SNTG2: variants seen among roughly 807,000 people sequenced by gnomAD.
SNTG2 encodes gamma-2-syntrophin.
SNTG2 carries 74 observed loss-of-function variants against 70.9 expected under a neutral mutation model. The observed-to-expected ratio is 1.04, with a 90% CI of 0.86 to 1.27. The LOEUF is 1.27. SNTG2 is among the 50% of genes most tolerant of loss of function. The probability of loss-of-function intolerance (pLI) is 0.00; values close to 1 mark genes in which losing one functional copy is unlikely to be tolerated. For synonymous variants in SNTG2, 278 were observed against 273.8 expected (o/e 1.02, Z -0.15); for missense variants, 717 against 690.7 (o/e 1.04, Z -0.43).
At chr2:1,138,487 C>T (rs917222201) in intron 6 of SNTG2, among the ~76,000 whole-genome samples, 5 of 151,866 alleles carry the variant, frequency 3.3e-5, no homozygotes, top group African/African-American at 9.7e-5. Flanking sequence ...GTGGTGGGGA[C>T]GCGTGGTCAG....
Position 1,070,349 on chromosome 2 carries a change from C to A in SNTG2, c.73-13169C>A, listed in dbSNP as rs190837845. On this transcript the variant is annotated intron_variant, in intron 1 of 16. Transcript: ENST00000308624. ...CCCGTTCAGATGCCATCACGTCACC[C>A]AAGCTGTGGAACTTCTCGAAGCTTT... Among the ~76,000 whole-genome samples the A allele has an allele frequency of 1.6e-3, 250 of 152,256 alleles. 2 individuals carry two copies. In the South Asian group the frequency reaches 0.022, roughly 13 times the overall value.
At chr2:1,061,567 A>G (rs1453429345) in intron 1 of SNTG2, among the ~76,000 whole-genome samples, 1 of 152,256 alleles carries the variant, frequency 6.6e-6, no homozygotes, top group African/African-American at 2.4e-5. Context: ...GCAACCCACC[A>G]GGTATACAGC....
intron 14 of SNTG2, among the ~76,000 whole-genome samples, chr2:1,301,210 T>C (rs1329838606): frequency 6.6e-6 from 1 of 151,780 alleles, no homozygotes; most frequent in Non-Finnish European, 1.5e-5. Context: ...TGGGGAAGGG[T>C]CATGGGATTG....
At chr2:1,216,701 G>T (rs1337336688) in intron 9 of SNTG2, among the ~76,000 whole-genome samples, 9 of 152,210 alleles carry the variant, frequency 5.9e-5, no homozygotes, top group Non-Finnish European at 1.3e-4. Context: ...AGACAGGAGA[G>T]TCCCTCTGGG....
intron 1 of SNTG2, among the ~76,000 whole-genome samples, chr2:987,938 G>A (rs561580628): frequency 3.1e-4 from 47 of 152,288 alleles, no homozygotes; most frequent in Non-Finnish European, 4.0e-4. Context: ...CTGCGCCCAG[G>A]ATGACACCCC....
intron 15 of SNTG2, among the ~76,000 whole-genome samples, chr2:1,313,014 A>G (rs1167748714): frequency 6.6e-6 from 1 of 152,204 alleles, no homozygotes; most frequent in Non-Finnish European, 1.5e-5. Flanking sequence ...CTTGTCATGG[A>G]GTTGCCTGGT....
intron 16 of SNTG2, among the ~76,000 whole-genome samples, chr2:1,329,577 T>A (rs1659404623): frequency 6.6e-6 from 1 of 152,150 alleles, no homozygotes; most frequent in South Asian, 2.1e-4. Flanking sequence ...ATGGCCAGGT[T>A]AAAAGGAACA....
At position 1,164,255 on chromosome 2, in the gene SNTG2, A is replaced by T. The variant is rs371554391; in HGVS notation, c.412-1293A>T. On this transcript the variant is annotated intron_variant, in intron 6 of 16. Coordinates refer to ENST00000308624, the MANE Select transcript of SNTG2 (RefSeq NM_018968.4). Reference sequence around the variant, plus strand: ...ATGCCTGGCCTAGGAGGATGAAGTGAGGTAGGAACCTGCCCAAACTGTGGG... The same window carrying T: ...ATGCCTGGCCTAGGAGGATGAAGTGTGGTAGGAACCTGCCCAAACTGTGGG... 2.0e-5 allele frequency among the ~76,000 whole-genome samples: 3 copies of T among 148,024 alleles called. No homozygotes were observed. In the East Asian group the frequency reaches 6.1e-4, roughly 30 times the overall value.
At chr2:1,346,739 A>G (rs560670880) in intron 16 of SNTG2, among the ~76,000 whole-genome samples, 75 of 152,300 alleles carry the variant, frequency 4.9e-4, no homozygotes, top group African/African-American at 1.7e-3. Flanking sequence ...TTTCAGGCTG[A>G]CAGAATCTCA....
At chr2:1,158,969 T>C (rs1558470214) in intron 6 of SNTG2, among the ~76,000 whole-genome samples, 2 of 152,122 alleles carry the variant, frequency 1.3e-5, no homozygotes, top group Non-Finnish European at 2.9e-5. Flanking sequence ...GTGGGGCGTA[T>C]GGCAGATCGT....
At chr2:1,130,199 A>T (rs1038882854) in intron 4 of SNTG2, among the ~76,000 whole-genome samples, 1 of 152,216 alleles carries the variant, frequency 6.6e-6, no homozygotes, top group African/African-American at 2.4e-5. Flanking sequence ...GCTGTCACTC[A>T]TCATGGACAT....
chr2:1,068,706 T>C (rs1418826142), intron 1 of SNTG2, among the ~76,000 whole-genome samples: 4 of 152,250 alleles, frequency 2.6e-5, no homozygotes, highest in Non-Finnish European at 5.9e-5. Context: ...CTTAAATTTG[T>C]ATGCTGAAAG....
intron 14 of SNTG2, among the ~76,000 whole-genome samples, chr2:1,272,985 G>C (rs1191892986): frequency 6.6e-6 from 1 of 152,194 alleles, no homozygotes; most frequent in East Asian, 1.9e-4. Context: ...ATTTTCCTAG[G>C]TCTGTGTGTG....
At chr2:1,139,969 A>G (rs1668643367) in intron 6 of SNTG2, among the ~76,000 whole-genome samples, 1 of 152,250 alleles carries the variant, frequency 6.6e-6, no homozygotes, top group Non-Finnish European at 1.5e-5. Flanking sequence ...TGTGATACAA[A>G]ATAAATTATT....
chr2:1,051,950 T>C (rs1196126797), intron 1 of SNTG2, among the ~76,000 whole-genome samples: 4 of 152,268 alleles, frequency 2.6e-5, no homozygotes, highest in African/African-American at 9.6e-5. Context: ...ACGCTGATTT[T>C]CAAATGGTAA....
Position 1,209,198 on chromosome 2 carries a change from C to G in SNTG2, c.687C>G (p.Ile229Met), listed in dbSNP as rs1329763612. Residue 229 changes from isoleucine to methionine, a missense_variant, in exon 9 of 17, where the codon ATC becomes ATG. Coordinates refer to ENST00000308624, the MANE Select transcript of SNTG2 (RefSeq NM_018968.4). ...TLSVPLSMAR[I>M]SRYKAGTEKL... ...CCGTGCCTCTGTCCATGGCTCGCATCTCAAGGTACAAAGCCGGAACGGAAA... is the reference window on the plus strand; with the variant it reads ...CCGTGCCTCTGTCCATGGCTCGCATGTCAAGGTACAAAGCCGGAACGGAAA... 6.2e-7 allele frequency: 1 copy of G among 1,614,002 alleles called. No homozygotes were observed. The highest frequency in any genetic ancestry group is 8.5e-7 in the Non-Finnish European group (1 of 1,179,894).
chr2:1,169,938 A>G (rs914414344), intron 7 of SNTG2, among the ~76,000 whole-genome samples: 1 of 151,998 alleles, frequency 6.6e-6, no homozygotes, highest in East Asian at 2.0e-4. Flanking sequence ...TAACAATTTA[A>G]GCAAGACAGC....
chr2:1,215,131 G>A (rs1674296479), intron 9 of SNTG2, among the ~76,000 whole-genome samples: 1 of 152,090 alleles, frequency 6.6e-6, no homozygotes, highest in Non-Finnish European at 1.5e-5. Context: ...TTGAATTCAG[G>A]TAACTAGTAT....
At chr2:1,201,183 G>GGT (rs1673253091) in intron 8 of SNTG2, among the ~76,000 whole-genome samples, 1 of 151,692 alleles carries the variant, frequency 6.6e-6, no homozygotes, top group Non-Finnish European at 1.5e-5. Context: ...AGAAAAATAT[G>GGT]GTATATATAC....
Sources: allele counts gnomAD v4.1 joint callset (sites outside exome capture counted in the v4.1 genomes callset), GRCh38; gene constraint gnomAD v4.1.1; transcripts MANE v1.5; gene names NCBI Gene and HGNC (gene_info 2026-07-23, HGNC 2026-07-21).